The following TBCK variants were observed in gnomAD, a reference collection of about 807,000 sequenced individuals.
TBCK encodes the protein TBC domain-containing protein kinase-like protein.
In TBCK, 99 loss-of-function variants were observed where a neutral mutation model predicts 113.4. The observed-to-expected ratio is 0.87, with a 90% CI of 0.74 to 1.03. The LOEUF (loss-of-function observed/expected upper bound fraction) is 1.03, where lower values mean the gene tolerates loss of function less well. TBCK is among the 50% of genes least tolerant of loss of function. The probability of loss-of-function intolerance (pLI) is 0.00; values close to 1 mark genes in which losing one functional copy is unlikely to be tolerated. For missense variants in TBCK, 1,045 were observed against 1,061.3 expected, an observed-to-expected ratio of 0.98 and a Z score of 0.21; for synonymous variants, 369 against 370.8, an observed-to-expected ratio of 1.00 and a Z score of 0.05.
chr4:106,180,174 A>T (rs766409134), intron 22 of TBCK, among the ~76,000 whole-genome samples: 2 of 151,790 alleles, frequency 1.3e-5, no homozygotes, highest in African/African-American at 4.8e-5. Context: ...TTTTAAATCA[A>T]TTCAGCCATT....
chr4:106,170,468 GAA>G (rs1296809645), intron 23 of TBCK, among the ~76,000 whole-genome samples: 1 of 151,954 alleles, frequency 6.6e-6, no homozygotes, highest in Non-Finnish European at 1.5e-5. Flanking sequence ...GATTGTGATG[GAA>G]ATATATGAAC....
At chr4:106,217,783 G>A (rs1320698869) in intron 19 of TBCK, among the ~76,000 whole-genome samples, 3 of 150,538 alleles carry the variant, frequency 2.0e-5, no homozygotes, top group Non-Finnish European at 4.5e-5. Flanking sequence ...TGTGAAAATG[G>A]CCATACTGCC....
chr4:106,194,008 A>G (rs1753944932), intron 21 of TBCK, among the ~76,000 whole-genome samples: 1 of 152,082 alleles, frequency 6.6e-6, no homozygotes, highest in South Asian at 2.1e-4. Context: ...TTAACCATTC[A>G]TAATATTTCT....
intron 24 of TBCK, among the ~76,000 whole-genome samples, chr4:106,098,713 T>A (rs1006122166): frequency 1.3e-5 from 2 of 152,136 alleles, no homozygotes; most frequent in African/African-American, 4.8e-5. Flanking sequence ...TTGTTTACTA[T>A]GCTGAATGCA....
At chr4:106,124,937 C>A (rs944640354) in intron 23 of TBCK, among the ~76,000 whole-genome samples, 1 of 149,412 alleles carries the variant, frequency 6.7e-6, no homozygotes, top group African/African-American at 2.5e-5. Context: ...ACCAGCATGG[C>A]ACATGTATAC....
chr4:106,069,941 T>G (rs1737169947), intron 25 of TBCK, among the ~76,000 whole-genome samples: 1 of 152,224 alleles, frequency 6.6e-6, no homozygotes. Flanking sequence ...TTTGGTTGTT[T>G]GTCTGTTACT....
intron 22 of TBCK, among the ~76,000 whole-genome samples, chr4:106,188,847 T>G (rs1753333842): frequency 6.6e-6 from 1 of 152,230 alleles, no homozygotes; most frequent in African/African-American, 2.4e-5. Context: ...GTGAATTCTT[T>G]CAGCTTCCTA....
chr4:106,080,085 T>C (rs555827123), intron 25 of TBCK, among the ~76,000 whole-genome samples: 168 of 152,290 alleles, frequency 1.1e-3, no homozygotes, highest in African/African-American at 3.8e-3. Context: ...AGAGTTAAGA[T>C]TGATAAAATG....
chr4:106,087,438 A>C (rs1739639450), intron 25 of TBCK, among the ~76,000 whole-genome samples: 1 of 152,224 alleles, frequency 6.6e-6, no homozygotes, highest in African/African-American at 2.4e-5. Context: ...GACAGGACAC[A>C]AACAAATGAA....
chr4:106,136,133 C>T (rs1347361688), intron 23 of TBCK, among the ~76,000 whole-genome samples: 2 of 140,024 alleles, frequency 1.4e-5, no homozygotes, highest in African/African-American at 2.5e-5. Flanking sequence ...TCTTTATCTC[C>T]TTTTTTTATT....
intron 12 of TBCK, among the ~76,000 whole-genome samples, chr4:106,241,281 TG>T (rs1760104538): frequency 2.6e-5 from 4 of 151,922 alleles, no homozygotes; most frequent in Non-Finnish European, 4.4e-5. Context: ...TATTTAAGCA[TG>T]TTCAAGAAAT....
chr4:106,153,662 G>C (rs750717942), intron 23 of TBCK, among the ~76,000 whole-genome samples: 6 of 152,110 alleles, frequency 3.9e-5, no homozygotes, highest in Non-Finnish European at 4.4e-5. Flanking sequence ...TGAAACAAGA[G>C]TGTTGAAGTC....
At chr4:106,183,466 A>G (rs572015462) in intron 22 of TBCK, among the ~76,000 whole-genome samples, 21 of 152,026 alleles carry the variant, frequency 1.4e-4, no homozygotes, top group Admixed American at 5.9e-4. Context: ...AGCCTCACAT[A>G]TCTGTGTTAT....
chr4:106,116,448 A>C, intron 23 of TBCK, 70 bp from the exon 24 acceptor site: 1 of 1,243,676 alleles, frequency 8.0e-7, no homozygotes. Flanking sequence ...CCAGTAATAG[A>C]ATATCTTGAT....
chr4:106,280,531 T>G (rs899593488), intron 3 of TBCK, among the ~76,000 whole-genome samples: 13 of 152,096 alleles, frequency 8.5e-5, no homozygotes, highest in African/African-American at 2.9e-4. Flanking sequence ...AGAGTTTTCA[T>G]CAATGTCTCC....
At chr4:106,262,602 T>C (rs1291853707) in intron 3 of TBCK, among the ~76,000 whole-genome samples, 1 of 152,064 alleles carries the variant, frequency 6.6e-6, no homozygotes, top group African/African-American at 2.4e-5. Context: ...CAATACAAAA[T>C]ACCTAAGCCC....
chr4:106,194,898 T>A, intron 20 of TBCK, 144 bp from the exon 21 acceptor site: 1 of 792,500 alleles, frequency 1.3e-6, no homozygotes, highest in Non-Finnish European at 2.0e-6. Flanking sequence ...AATGTAGTGT[T>A]AAGTTTAGCC....
intron 22 of TBCK, among the ~76,000 whole-genome samples, chr4:106,191,727 T>C (rs1162443399): frequency 1.3e-5 from 2 of 152,152 alleles, no homozygotes. Flanking sequence ...AACAGATTAA[T>C]TATTTCATGG....
chr4:106,113,675 C>T (rs563050406), intron 24 of TBCK, among the ~76,000 whole-genome samples: 20 of 152,272 alleles, frequency 1.3e-4, no homozygotes, highest in South Asian at 4.1e-4. Flanking sequence ...CTTCCTCGGA[C>T]GACATAGGCC....
Sources: gnomAD v4.1 joint callset for allele counts (sites outside exome capture counted in the v4.1 genomes callset) on GRCh38, gnomAD v4.1.1 for gene constraint, MANE v1.5 for transcripts, NCBI Gene and HGNC (gene_info 2026-07-23, HGNC 2026-07-21) for gene names.